Variants in RND3 observed in about 807,000 individuals in gnomAD.
The protein encoded by RND3 is rho-related GTP-binding protein RhoE.
RND3 carries 8 observed loss-of-function variants against 26.5 expected under a neutral mutation model. The observed-to-expected ratio is 0.30, with a 90% CI of 0.18 to 0.54. RND3 has a LOEUF of 0.54. Among genes scored for constraint, RND3 ranks in the 20% least tolerant of loss-of-function variants. The pLI is 0.94. For missense variants in RND3, 207 were observed against 302.8 expected (o/e 0.68, Z 2.35); for synonymous variants, 113 against 113.0 (o/e 1.00, Z 0.00).
rs948056077 is a variant in RND3, at chr2:150,486,929, G to T, written c.151-148C>A. On this transcript the variant is annotated intron_variant, in intron 2 of 5. Transcript: ENST00000263895. The surrounding 1 kb of genome is among the most constrained non-coding windows in gnomAD (Gnocchi z 4.5). ...CATCAGACCACACACTAAGCACATG[G>T]ACCCTTTCCGAAACCCCTGTCCTAC... 6.7e-5 allele frequency: 46 copies of T among 685,492 alleles called. No homozygotes were observed. Among genetic ancestry groups the T allele is most frequent in the South Asian group, 1.6e-5 (1 of 60,944 alleles). 42.5% of individuals were successfully genotyped at this position (685,492 alleles called of 1,614,324 possible). A position where few individuals can be genotyped will look rare whatever the true frequency, so the allele number is the denominator to read the frequency against.
chr2:150,470,358 AT>A, intron 5 of RND3, 120 bp from the exon 6 acceptor site: 5 of 1,045,788 alleles, frequency 4.8e-6, no homozygotes, highest in Non-Finnish European at 6.8e-6. Flanking sequence ...TGTTAACTGA[AT>A]TTTCCAAGTG....
Position 150,469,832 on chromosome 2 carries a change from G to T in RND3, c.*155C>A. 2.6e-6 allele frequency: 2 copies of T among 765,564 alleles called. No homozygotes were observed. The highest frequency in any genetic ancestry group is 4.1e-6 in the Non-Finnish European group (2 of 485,504). The allele number at this position is 765,564 out of a possible 1,614,324, so 47.4% of individuals were successfully genotyped here. On this transcript the variant is annotated 3_prime_UTR_variant, in exon 6 of 6. Transcript: ENST00000263895. ...CACTTGGTCTACATGCCGAACCTAA[G>T]GTCAGGATTCCAAAAAGATGAGTAT...
rs2105225985 is a variant in RND3, at chr2:150,487,642, C to T, written c.-132G>A. ...TTAAGCCTGACTCCTCACCGCGCCT[C>T]CCAAGTCCAATTCCGAGCCGACTGC... is the stretch of plus-strand genomic sequence containing the variant. On this transcript the variant is annotated 5_prime_UTR_variant, in exon 1 of 6. Transcript: ENST00000263895. The T allele has an allele frequency of 6.4e-6, 1 of 156,390 alleles. No homozygotes were observed. The highest frequency in any genetic ancestry group is 2.0e-4 in the South Asian group (1 of 4,894). The allele number at this position is 156,390 out of a possible 1,614,324, so 9.7% of individuals were successfully genotyped here.
At chr2:150,479,389 A>G (rs935844431) in intron 3 of RND3, among the ~76,000 whole-genome samples, 1 of 152,200 alleles carries the variant, frequency 6.6e-6, no homozygotes, top group African/African-American at 2.4e-5. Context: ...ACCTTTTGCA[A>G]AGTACCAGTT....
chr2:150,469,870 C>T lies in RND3; in HGVS notation c.*117G>A. ...AAAAGATGAGTATCCTCTCAAACGC[C>T]TCCTAAGCCTCTGGTATACATGACT... On this transcript the variant is annotated 3_prime_UTR_variant, in exon 6 of 6. Transcript: ENST00000263895. 1.7e-6 allele frequency: 2 copies of T among 1,198,936 alleles called. No individual in the cohort carries two copies. The highest frequency in any genetic ancestry group is 1.5e-5 in the South Asian group (1 of 65,668). The allele number at this position is 1,198,936 out of a possible 1,614,324, so 74.3% of individuals were successfully genotyped here.
intron 3 of RND3, among the ~76,000 whole-genome samples, chr2:150,483,919 T>G (rs983939200): frequency 6.6e-6 from 1 of 152,376 alleles, no homozygotes; most frequent in East Asian, 1.9e-4. Context: ...TACCGGATAA[T>G]TTTGCAGTAC....
chr2:150,487,096 C>T, intron 2 of RND3, 172 bp downstream of exon 2: 2 of 634,090 alleles, frequency 3.2e-6, no homozygotes, highest in Non-Finnish European at 5.3e-6. Context: ...TTCCAGCGCA[C>T]TTTCCCTTTC....
intron 4 of RND3, among the ~76,000 whole-genome samples, chr2:150,472,949 T>C (rs1053840887): frequency 2.6e-5 from 4 of 151,908 alleles, no homozygotes; most frequent in Non-Finnish European, 4.4e-5. Flanking sequence ...AAAGGAGTAA[T>C]ATACTTTCCA....
In RND3 at chr2:150,475,159, A is replaced by T. The variant is rs116611829; in HGVS notation, c.239-175T>A. ...CACACAAAAGCCTGCTTAGAAATAT[A>T]TGATGAATGAAGCCTCACATGTGTC... On this transcript the variant is annotated intron_variant, in intron 3 of 5. Transcript: ENST00000263895. 1,080 of 534,768 alleles carry T rather than the reference A, an allele frequency of 2.0e-3. 12 individuals carry two copies. The highest frequency in any genetic ancestry group is 0.019 in the African/African-American group (1,006 of 52,114). 33.1% of individuals were successfully genotyped at this position (534,768 alleles called of 1,614,324 possible).
At chr2:150,481,889 A>C (rs1369714743) in intron 3 of RND3, among the ~76,000 whole-genome samples, 1 of 152,200 alleles carries the variant, frequency 6.6e-6, no homozygotes, top group Admixed American at 6.5e-5. Flanking sequence ...TACTTGATGT[A>C]CAATAATCTA....
rs1483497316 is a variant in RND3, at chr2:150,468,432, G to A, written c.*1555C>T. On this transcript the variant is annotated 3_prime_UTR_variant, in exon 6 of 6. Transcript: ENST00000263895. ...AAAGCATAATGCTGCATCAATCAAA[G>A]CATATTATGTTGGTAAAATGTCTGT... 6.6e-6 allele frequency: 1 copy of A among 152,574 alleles called. No individual in the cohort carries two copies. The highest frequency in any genetic ancestry group is 1.5e-5 in the Non-Finnish European group (1 of 68,026). The allele number at this position is 152,574 out of a possible 1,614,324, so 9.5% of individuals were successfully genotyped here. A position where few individuals can be genotyped will look rare whatever the true frequency, so the allele number is the denominator to read the frequency against.
chr2:150,470,710 G>A (rs909160150), intron 5 of RND3, among the ~76,000 whole-genome samples: 7 of 152,146 alleles, frequency 4.6e-5, no homozygotes, highest in Non-Finnish European at 8.8e-5. Context: ...GTTAGCTGAA[G>A]GTCATGAACA....
chr2:150,478,638 C>A (rs1330891578), intron 3 of RND3, among the ~76,000 whole-genome samples: 2 of 143,558 alleles, frequency 1.4e-5, no homozygotes, highest in Non-Finnish European at 3.0e-5. Context: ...ACATGAAAAA[C>A]TCCCAAGGTG....
intron 5 of RND3, among the ~76,000 whole-genome samples, chr2:150,470,589 C>G (rs561959143): frequency 2.0e-5 from 3 of 152,192 alleles, no homozygotes; most frequent in African/African-American, 7.2e-5. Context: ...GTGGAGCTAA[C>G]GAAGTGATTC....
intron 3 of RND3, among the ~76,000 whole-genome samples, chr2:150,479,011 A>G (rs973171035): frequency 6.7e-6 from 1 of 149,196 alleles, no homozygotes; most frequent in Non-Finnish European, 1.5e-5. Context: ...AAACAACTAC[A>G]CTATATATGC....
chr2:150,486,643 C>A lies in RND3; in HGVS notation c.238+51G>T. 1 of 1,306,300 alleles carries A rather than the reference C, an allele frequency of 7.7e-7. No homozygotes were observed. Among genetic ancestry groups the A allele is most frequent in the South Asian group, 1.2e-5 (1 of 84,988 alleles). 80.9% of individuals were successfully genotyped at this position (1,306,300 alleles called of 1,614,324 possible). On this transcript the variant is annotated intron_variant, in intron 3 of 5. Coordinates refer to ENST00000263895, the MANE Select transcript of RND3 (RefSeq NM_005168.5). The surrounding 1 kb of genome is among the most constrained non-coding windows in gnomAD (Gnocchi z 4.5). ...GTTTCCCGAGACCCGCCGCGCATCC[C>A]CCAGCGACTGGAAACCCGCCCCAAG...
At position 150,469,756 on chromosome 2, in the gene RND3, G is replaced by T; in HGVS notation, c.*231C>A. On this transcript the variant is annotated 3_prime_UTR_variant, in exon 6 of 6. Transcript: ENST00000263895. ...GCTCATTTGTATCTCTCATTTTTTG[G>T]CATATTTTTCAAGTCACACTTAAAA... 4.0e-6 allele frequency: 2 copies of T among 496,656 alleles called. No individual in the cohort carries two copies. The highest frequency in any genetic ancestry group is 7.1e-6 in the Non-Finnish European group (2 of 282,560). The allele number at this position is 496,656 out of a possible 1,614,324, so 30.8% of individuals were successfully genotyped here.
chr2:150,476,357 C>G (rs754516212), intron 3 of RND3, among the ~76,000 whole-genome samples: 4 of 152,166 alleles, frequency 2.6e-5, no homozygotes, highest in Non-Finnish European at 5.9e-5. Context: ...ATCTAAAAGG[C>G]ACTATAGTCA....
chr2:150,469,911 A>T lies in RND3; in HGVS notation c.*76T>A. On this transcript the variant is annotated 3_prime_UTR_variant, in exon 6 of 6. Transcript: ENST00000263895. ...ATACATGACTTTGGCTGTGCACTTC[A>T]TTTAGACTTCACCTTTTTGTTTGCT... is the stretch of plus-strand genomic sequence containing the variant. The T allele has an allele frequency of 6.4e-7, 1 of 1,558,090 alleles. No homozygotes were observed. The highest frequency in any genetic ancestry group is 8.8e-7 in the Non-Finnish European group (1 of 1,141,148).
Sources: gnomAD v4.1 joint callset for allele counts (sites outside exome capture counted in the v4.1 genomes callset) on GRCh38, gnomAD v4.1.1 for gene constraint, Gnocchi (gnomAD v3.1) non-coding constraint, MANE v1.5 for transcripts, NCBI Gene and HGNC (gene_info 2026-07-23, HGNC 2026-07-21) for gene names.